METTL15: variants seen among roughly 807,000 people sequenced by gnomAD.
The protein encoded by METTL15 is 12S rRNA N(4)-cytidine methyltransferase METTL15.
Under a neutral mutation model 38.3 loss-of-function variants are expected in METTL15, and 34 were observed. The observed-to-expected ratio is 0.89, with a 90% CI of 0.68 to 1.18. The LOEUF (loss-of-function observed/expected upper bound fraction) is 1.18. METTL15 is among the 50% of genes most tolerant of loss of function. The pLI is 0.00. For synonymous variants in METTL15, 162 were observed against 170.9 expected, an observed-to-expected ratio of 0.95 and a Z score of 0.41; for missense variants, 438 against 498.4, an observed-to-expected ratio of 0.88 and a Z score of 1.15.
chr11:28,416,260 C>T (rs993775957), intron 5 of METTL15, among the ~76,000 whole-genome samples: 1 of 152,192 alleles, frequency 6.6e-6, no homozygotes, highest in Non-Finnish European at 1.5e-5. Flanking sequence ...CAAGCTCTAT[C>T]TATACCCCTG....
intron 4 of METTL15, among the ~76,000 whole-genome samples, chr11:28,279,702 C>T (rs1029285929): frequency 6.6e-6 from 1 of 152,050 alleles, no homozygotes; most frequent in Admixed American, 6.5e-5. Flanking sequence ...AGTTCAAGAC[C>T]AGCCTGGCCA....
chr11:28,306,468 A>G (rs867927520), intron 6 of METTL15, among the ~76,000 whole-genome samples: 15 of 152,028 alleles, frequency 9.9e-5, no homozygotes, highest in South Asian at 2.1e-4. Context: ...CAGAATTTAG[A>G]TCAGGCAGTC....
chr11:28,122,333 A>ATGTG (rs61147516), intron 3 of METTL15, among the ~76,000 whole-genome samples: 7,898 of 111,678 alleles, frequency 0.071, 260 homozygotes, highest in South Asian at 0.11. Context: ...ATGTGTGTAT[A>ATGTG]TGTGTGTGTG....
At chr11:28,488,212 A>G (rs879760580) in intron 6 of METTL15, among the ~76,000 whole-genome samples, 1 of 152,168 alleles carries the variant, frequency 6.6e-6, no homozygotes, top group Non-Finnish European at 1.5e-5. Flanking sequence ...TTAAAGCAAA[A>G]TTACTCTATT....
chr11:28,204,231 A>G (rs779187423), intron 3 of METTL15, among the ~76,000 whole-genome samples: 1 of 151,910 alleles, frequency 6.6e-6, no homozygotes, highest in Non-Finnish European at 1.5e-5. Flanking sequence ...TTCTACTTTA[A>G]TTCACTTTCA....
intron 4 of METTL15, among the ~76,000 whole-genome samples, chr11:28,240,534 A>T (rs547432396): frequency 6.6e-6 from 1 of 152,194 alleles, no homozygotes; most frequent in Non-Finnish European, 1.5e-5. Flanking sequence ...TAAGATTTCT[A>T]TACCAGTTTT....
chr11:28,269,823 T>C (rs1299051075), intron 4 of METTL15, among the ~76,000 whole-genome samples: 1 of 152,240 alleles, frequency 6.6e-6, no homozygotes, highest in African/African-American at 2.4e-5. Flanking sequence ...CCTTGACTCC[T>C]GAGCCGGCCT....
At chr11:28,169,399 A>G (rs1012392219) in intron 3 of METTL15, among the ~76,000 whole-genome samples, 1 of 151,868 alleles carries the variant, frequency 6.6e-6, no homozygotes, top group African/African-American at 2.4e-5. Flanking sequence ...GAAGATTTTT[A>G]CTGCTTTCAT....
intron 6 of METTL15, among the ~76,000 whole-genome samples, chr11:28,506,217 T>G (rs1195884578): frequency 6.6e-6 from 1 of 152,218 alleles, no homozygotes; most frequent in Non-Finnish European, 1.5e-5. Flanking sequence ...CCATTGCTTT[T>G]GATTTGAAAT....
chr11:28,436,494 A>G (rs1850983116), intron 6 of METTL15, among the ~76,000 whole-genome samples: 1 of 151,714 alleles, frequency 6.6e-6, no homozygotes, highest in African/African-American at 2.4e-5. Flanking sequence ...ATCCACTAGC[A>G]CCTGGCTAAT....
intron 4 of METTL15, among the ~76,000 whole-genome samples, chr11:28,240,236 G>C (rs1248185815): frequency 1.3e-5 from 2 of 152,258 alleles, no homozygotes; most frequent in East Asian, 1.9e-4. Context: ...CGTTCATTCA[G>C]CTGTTAAGTA....
chr11:28,194,122 A>ATTCTTTCTT (rs370908175), intron 3 of METTL15, among the ~76,000 whole-genome samples: 5 of 99,168 alleles, frequency 5.0e-5, no homozygotes, highest in East Asian at 3.3e-4. Flanking sequence ...TTGATGGTTG[A>ATTCTTTCTT]TCTTTCTTTC....
intron 6 of METTL15, among the ~76,000 whole-genome samples, chr11:28,491,443 T>C (rs552217021): frequency 1.5e-4 from 23 of 152,198 alleles, no homozygotes; most frequent in Non-Finnish European, 2.9e-4. Context: ...ACAGAGCTTT[T>C]ATTGGTCACG....
chr11:28,217,376 G>C (rs909365977), intron 4 of METTL15, among the ~76,000 whole-genome samples: 13 of 152,182 alleles, frequency 8.5e-5, no homozygotes, highest in Non-Finnish European at 1.5e-4. Flanking sequence ...AGAAGTGTCT[G>C]TTCGTATCCT....
chr11:28,203,414 T>C (rs919521168), intron 3 of METTL15, among the ~76,000 whole-genome samples: 2 of 152,096 alleles, frequency 1.3e-5, no homozygotes, highest in East Asian at 3.8e-4. Flanking sequence ...ACTGGTTGTT[T>C]TTAACTGTAT....
intron 4 of METTL15, among the ~76,000 whole-genome samples, chr11:28,236,203 G>A (rs1282867109): frequency 5.9e-5 from 9 of 152,084 alleles, no homozygotes; most frequent in Admixed American, 6.6e-5. Flanking sequence ...GCTGTATTCG[G>A]TTTGCCAGTA....
intron 3 of METTL15, among the ~76,000 whole-genome samples, chr11:28,178,715 G>A (rs968598528): frequency 6.6e-6 from 1 of 151,482 alleles, no homozygotes; most frequent in Non-Finnish European, 1.5e-5. Flanking sequence ...AAATTTAAGT[G>A]TTAATCTTTT....
intron 4 of METTL15, among the ~76,000 whole-genome samples, chr11:28,221,473 T>G (rs1171477561): frequency 2.0e-5 from 3 of 152,180 alleles, no homozygotes; most frequent in Non-Finnish European, 2.9e-5. Flanking sequence ...TAATTTTTTT[T>G]CAAGGTTTTT....
At chr11:28,419,953 A>G (rs1231746793) in intron 5 of METTL15, among the ~76,000 whole-genome samples, 3 of 152,180 alleles carry the variant, frequency 2.0e-5, no homozygotes, top group African/African-American at 7.2e-5. Context: ...AAGACAGGCT[A>G]TTCAAAAATA....
Sources: gnomAD v4.1 joint callset for allele counts (sites outside exome capture counted in the v4.1 genomes callset) on GRCh38, gnomAD v4.1.1 for gene constraint, MANE v1.5 for transcripts, NCBI Gene and HGNC (gene_info 2026-07-23, HGNC 2026-07-21) for gene names.